NLRP13: variants seen among roughly 807,000 people sequenced by gnomAD.
NLRP13 encodes NACHT, LRR and PYD domains-containing protein 13.
Under a neutral mutation model 94.4 loss-of-function variants are expected in NLRP13, and 82 were observed. That is an observed-to-expected ratio of 0.87 (90% CI 0.73 to 1.04). The LOEUF (loss-of-function observed/expected upper bound fraction) is 1.04, where lower values mean the gene tolerates loss of function less well. NLRP13 is among the 50% of genes least tolerant of loss of function. The pLI is 0.00. For missense variants in NLRP13, 1,426 were observed against 1,230.8 expected (o/e 1.16, Z -2.37); for synonymous variants, 553 against 464.7 (o/e 1.19, Z -2.45).
At chr19:55,930,232 C>T (rs1428584484) in intron 1 of NLRP13, among the ~76,000 whole-genome samples, 1 of 152,232 alleles carries the variant, frequency 6.6e-6, no homozygotes, top group African/African-American at 2.4e-5. Context: ...TGCCTGGGCT[C>T]ATGTCCCAGC....
In NLRP13 at chr19:55,924,695, C is replaced by T. The variant is rs767178788; in HGVS notation, c.389-37G>A. On this transcript the variant is annotated intron_variant, in intron 2 of 10. Transcript: ENST00000342929. ...ATTGACGATGAGATATGAAAATACCCCAGAGTGAAAATGGGCCAGCAATAA... is the reference window on the plus strand; with the variant it reads ...ATTGACGATGAGATATGAAAATACCTCAGAGTGAAAATGGGCCAGCAATAA... The T allele has an allele frequency of 2.1e-5, 33 of 1,575,426 alleles. 1 individual carries two copies. Among genetic ancestry groups the T allele is most frequent in the South Asian group, 4.4e-5 (4 of 90,002 alleles).
At position 55,904,944 on chromosome 19, in the gene NLRP13, C is replaced by T; in HGVS notation, c.2616G>A (p.Leu872=). Residue 872 remains leucine (L), a splice_region_variant and synonymous_variant, in exon 8 of 11, where the codon CTG becomes CTA. Transcript: ENST00000342929. ...LTHPKCALER[L]ELWFCQLAAP... The stretch of plus-strand genomic sequence containing the variant: ...AAATGGAAGTAGGGAAAACTTACTC[C>T]AGTCTCTCTAAGGCACACTTGGGGT... 1 of 1,610,332 alleles carries T rather than the reference C, an allele frequency of 6.2e-7. No homozygotes were observed.
Position 55,912,924 on chromosome 19 carries a change from T to C in NLRP13, c.893A>G (p.Glu298Gly). Residue 298 changes from glutamate (E) to glycine (G), a missense_variant, in exon 5 of 11, where the codon GAG becomes GGG. Physicochemically the swap from Glu to Gly is moderately conservative, Grantham distance 98. Transcript: ENST00000342929. The part of the protein sequence containing the change: ...DWPDFDAPIE[E>G]FMSQPEKLLF... ...GAGCTTCTCTGGTTGAGACATGAACTCTTCAATGGGGGCATCAAAATCGGG... is the reference window on the plus strand; with the variant it reads ...GAGCTTCTCTGGTTGAGACATGAACCCTTCAATGGGGGCATCAAAATCGGG... 9 of 1,614,010 alleles carry C rather than the reference T, an allele frequency of 5.6e-6. No individual in the cohort carries two copies. Among genetic ancestry groups the C allele is most frequent in the Non-Finnish European group, 7.6e-6 (9 of 1,179,862 alleles).
At chr19:55,929,121 G>A (rs1052748469) in intron 1 of NLRP13, among the ~76,000 whole-genome samples, 7 of 152,072 alleles carry the variant, frequency 4.6e-5, no homozygotes, top group Non-Finnish European at 1.0e-4. Flanking sequence ...TGAAAAGTCA[G>A]GAAACAGATG....
intron 4 of NLRP13, among the ~76,000 whole-genome samples, chr19:55,913,554 A>AAAAAAAAAAAAAAAAAAAAAAG (rs1986597186): frequency 8.3e-6 from 1 of 120,822 alleles, no homozygotes; most frequent in African/African-American, 3.1e-5. Context: ...GTCTCAAAAA[A>AAAAAAAAAAAAAAAAAAAAAAG]AAAAAAAAAA....
downstream of NLRP13, among the ~76,000 whole-genome samples, chr19:55,894,817 G>A (rs1985957065): frequency 6.6e-6 from 1 of 152,168 alleles, no homozygotes; most frequent in African/African-American, 2.4e-5. Flanking sequence ...ACAAGTTAAT[G>A]GCTATGGAGT....
intron 4 of NLRP13, among the ~76,000 whole-genome samples, chr19:55,922,510 T>C (rs1195663661): frequency 6.6e-6 from 1 of 152,094 alleles, no homozygotes; most frequent in Non-Finnish European, 1.5e-5. Flanking sequence ...GTATTTTTAG[T>C]ATAGATGGGG....
chr19:55,924,911 G>C, intron 2 of NLRP13, 56 bp downstream of exon 2: 1 of 1,415,144 alleles, frequency 7.1e-7, no homozygotes, highest in Non-Finnish European at 1.0e-6. Context: ...GTGGACCAGT[G>C]AATGAGTGCT....
At position 55,910,618 on chromosome 19, in the gene NLRP13, C is replaced by A. The variant is rs1182012652; in HGVS notation, c.2227G>T (p.Val743Leu). 3.1e-6 allele frequency: 5 copies of A among 1,613,704 alleles called. No homozygotes were observed. The South Asian group carries it at 5.5e-5, about 18-fold the overall frequency. Residue 743 changes from valine to leucine, a missense_variant, in exon 6 of 11, where the codon GTG (valine) becomes TTG (leucine). Transcript: ENST00000342929. The part of the protein sequence containing the change: ...LSNSKLHASS[V>L]KGLCLALKNP... ...TTCAGTGCAAGACAGAGACCCTTCA[C>A]AGAGGAAGCATGAAGTTTGCTGTTA...
downstream of NLRP13, among the ~76,000 whole-genome samples, chr19:55,893,577 C>T (rs1037173407): frequency 3.3e-5 from 5 of 152,018 alleles, no homozygotes; most frequent in Admixed American, 6.6e-5. Context: ...TTTGATGGCA[C>T]GGGAACCCCT....
chr19:55,908,103 GGT>G (rs1011787309), intron 6 of NLRP13, 147 bp from the exon 7 acceptor site: 1 of 636,452 alleles, frequency 1.6e-6, no homozygotes, highest in African/African-American at 1.9e-5. Context: ...GCTGAGCCAT[GGT>G]ACTGGACCTT....
rs1875364133 is a variant in NLRP13, at chr19:55,912,192, A to C, written c.1625T>G (p.Phe542Cys). The C allele has an allele frequency of 2.8e-5, 46 of 1,614,050 alleles. No individual in the cohort carries two copies. The highest frequency in any genetic ancestry group is 3.8e-5 in the Non-Finnish European group (45 of 1,180,040). ...TAGCACAAAGGACATGGCTGCAAAA[A>C]ACTCCTGGAAACTTAGGTGGGTGAA... is the stretch of plus-strand genomic sequence containing the variant. ...TTFTHLSFQE[F>C]FAAMSFVLEE... Residue 542 changes from phenylalanine (F) to cysteine (C), a missense_variant, in exon 5 of 11, where the codon TTT becomes TGT. Physicochemically the swap from Phe to Cys is radical, Grantham distance 205. Transcript: ENST00000342929.
intron 4 of NLRP13, among the ~76,000 whole-genome samples, chr19:55,920,308 A>G (rs1018903378): frequency 2.0e-5 from 3 of 152,190 alleles, no homozygotes; most frequent in East Asian, 1.9e-4. Context: ...CAAATGCAAG[A>G]AAAACAAAAA....
rs1326866961 is a variant in NLRP13 at position 55,913,309 on chromosome 19, T to A, written c.524-16A>T. Reference sequence around the variant, plus strand: ...CTTCTGTGGTCTAGAGAGGGCGGAGTGGGGAGAAGAATGGTAAGAATAAAT... The same window carrying A: ...CTTCTGTGGTCTAGAGAGGGCGGAGAGGGGAGAAGAATGGTAAGAATAAAT... On this transcript the variant is annotated splice_polypyrimidine_tract_variant and intron_variant, in intron 4 of 10. Transcript: ENST00000342929. 2 of 1,603,248 alleles carry A rather than the reference T, an allele frequency of 1.2e-6. No individual in the cohort carries two copies. Among genetic ancestry groups the A allele is most frequent in the South Asian group, 1.1e-5 (1 of 90,022 alleles).
At chr19:55,917,486 G>C (rs1162248309) in intron 4 of NLRP13, among the ~76,000 whole-genome samples, 2 of 151,696 alleles carry the variant, frequency 1.3e-5, no homozygotes, top group Non-Finnish European at 2.9e-5. Flanking sequence ...ATAAATTGGA[G>C]GAATAGATTT....
intron 9 of NLRP13, among the ~76,000 whole-genome samples, chr19:55,900,336 A>G (rs1469727103): frequency 6.6e-6 from 1 of 152,236 alleles, no homozygotes; most frequent in Admixed American, 6.5e-5. Flanking sequence ...ACTCAACTTC[A>G]TTCTTATAAA....
chr19:55,898,557 C>T (rs1389931009), intron 10 of NLRP13, among the ~76,000 whole-genome samples: 1 of 152,140 alleles, frequency 6.6e-6, no homozygotes, highest in Non-Finnish European at 1.5e-5. Flanking sequence ...GTTGGTCAGG[C>T]TGCTCTCGAA....
At chr19:55,923,320 T>A (rs1288488561) in intron 4 of NLRP13, among the ~76,000 whole-genome samples, 1 of 152,078 alleles carries the variant, frequency 6.6e-6, no homozygotes, top group Non-Finnish European at 1.5e-5. Context: ...GCAAACTTTC[T>A]TGGAAGGCTG....
At chr19:55,897,331 C>A (rs1986043414) in intron 10 of NLRP13, among the ~76,000 whole-genome samples, 1 of 152,042 alleles carries the variant, frequency 6.6e-6, no homozygotes, top group South Asian at 2.1e-4. Flanking sequence ...CCAGACTGGG[C>A]AACATGGTGA....
Sources: allele counts gnomAD v4.1 joint callset (sites outside exome capture counted in the v4.1 genomes callset), GRCh38; gene constraint gnomAD v4.1.1; transcripts MANE v1.5; gene names NCBI Gene and HGNC (gene_info 2026-07-23, HGNC 2026-07-21).